The following ANKRD36C variants were observed in gnomAD, a reference collection of about 807,000 sequenced individuals.
ANKRD36C encodes ankyrin repeat domain-containing protein 36C.
A neutral mutation model predicts 276.4 loss-of-function variants in ANKRD36C; 61 were observed. The ratio of observed to expected loss-of-function variants is 0.22; its 90% confidence interval spans 0.18 to 0.27. ANKRD36C has a LOEUF of 0.27. Among genes scored for constraint, ANKRD36C ranks in the 10% least tolerant of loss-of-function variants. ANKRD36C has a pLI of 1.00. For missense variants in ANKRD36C, 1,447 were observed against 2,032.3 expected (o/e 0.71, Z 5.54); for synonymous variants, 483 against 680.1 (o/e 0.71, Z 4.51).
chr2:95,920,655 A>C (rs866745861), intron 34 of ANKRD36C, among the ~76,000 whole-genome samples: 10 of 132,058 alleles, frequency 7.6e-5, no homozygotes, highest in African/African-American at 2.6e-4. Context: ...ACAAAGTAAA[A>C]CTGCTACAAG....
chr2:95,979,403 T>C lies in ANKRD36C; in HGVS notation c.732-1214A>G, dbSNP rs1678872252. The stretch of plus-strand genomic sequence containing the variant: ...CATATAACTGCTGATAAGTCATGGA[T>C]GAGGGTTAGCTCTGTTAAATCTAAC... On this transcript the variant is annotated intron_variant, in intron 5 of 66. Coordinates refer to ENST00000456556, the Ensembl canonical transcript of ANKRD36C. 3.3e-5 allele frequency among the ~76,000 whole-genome samples: 5 copies of C among 152,178 alleles called. No individual in the cohort carries two copies. The South Asian group carries it at 1.0e-3, about 32-fold the overall frequency.
intron 42 of ANKRD36C, among the ~76,000 whole-genome samples, chr2:95,902,018 GAGTT>G (rs1295518083): frequency 2.1e-5 from 3 of 145,982 alleles, no homozygotes; most frequent in East Asian, 2.0e-4. Context: ...ACCATTTTAG[GAGTT>G]AGTTAGAATT....
Position 95,891,742 on chromosome 2 carries a change from A to C in ANKRD36C, c.2785-5T>G. 1 of 1,579,760 alleles carries C rather than the reference A, an allele frequency of 6.3e-7. No homozygotes were observed. Among genetic ancestry groups the C allele is most frequent in the Non-Finnish European group, 8.6e-7 (1 of 1,161,082 alleles). On this transcript the variant is annotated splice_region_variant and splice_polypyrimidine_tract_variant and intron_variant, in intron 45 of 66. Coordinates refer to ENST00000456556, the Ensembl canonical transcript of ANKRD36C. Reference sequence around the variant, plus strand: ...ATCTTTCTCGTCACTTGTAGCCTGAATGGAATTTGAAATGAAATAATAAAT... The same window carrying C: ...ATCTTTCTCGTCACTTGTAGCCTGACTGGAATTTGAAATGAAATAATAAAT...
intron 22 of ANKRD36C, among the ~76,000 whole-genome samples, chr2:95,938,039 A>T (rs1302730590): frequency 6.6e-6 from 1 of 152,152 alleles, no homozygotes; most frequent in East Asian, 1.9e-4. Flanking sequence ...AATATATTCC[A>T]CTGATTACAA....
chr2:95,876,564 A>G (rs1248279396), intron 58 of ANKRD36C, 52 bp from the exon 79 acceptor site: 1 of 1,498,548 alleles, frequency 6.7e-7, no homozygotes, highest in Non-Finnish European at 9.2e-7. Context: ...ACAGTTAGAT[A>G]AAAGCCATGG....
At chr2:95,918,846 A>G (rs1308699540) in intron 34 of ANKRD36C, among the ~76,000 whole-genome samples, 7 of 149,840 alleles carry the variant, frequency 4.7e-5, no homozygotes, top group Non-Finnish European at 7.4e-5. Flanking sequence ...GAAAATGACC[A>G]TTTTAGGAGT....
Position 95,986,743 on chromosome 2 carries a change from A to G in ANKRD36C, c.486+8T>C, listed in dbSNP as rs1167552880. 7 of 1,608,802 alleles carry G rather than the reference A, an allele frequency of 4.4e-6. No homozygotes were observed. Among genetic ancestry groups the G allele is most frequent in the Non-Finnish European group, 5.9e-6 (7 of 1,177,848 alleles). On this transcript the variant is annotated splice_region_variant and intron_variant, in intron 3 of 66. Transcript: ENST00000456556. Reference sequence around the variant, plus strand: ...GATAGTTTGAAAATAACATTGGTTGACCTATACCTCGCTGCATTCTTCAAT... The same window carrying G: ...GATAGTTTGAAAATAACATTGGTTGGCCTATACCTCGCTGCATTCTTCAAT...
At chr2:95,859,780 G>C in intron 61 of ANKRD36C, 81 bp downstream of exon 81, 1 of 1,465,292 alleles carries the variant, frequency 6.8e-7, no homozygotes, top group Non-Finnish European at 9.2e-7. Flanking sequence ...TAGAAGGAAA[G>C]TTCGCAATTA....
chr2:95,924,708 G>A (rs1355909902), intron 30 of ANKRD36C, among the ~76,000 whole-genome samples: 1 of 151,580 alleles, frequency 6.6e-6, no homozygotes, highest in Non-Finnish European at 1.5e-5. Flanking sequence ...GAGGCACTGT[G>A]GTTTATCCCA....
chr2:95,897,032 C>T (rs1162121436), intron 44 of ANKRD36C, among the ~76,000 whole-genome samples: 2 of 149,440 alleles, frequency 1.3e-5, no homozygotes, highest in African/African-American at 4.9e-5. Context: ...ATGCCTTGAA[C>T]TGCTCTCCAT....
At chr2:95,930,872 G>A (rs1350298908) in intron 24 of ANKRD36C, among the ~76,000 whole-genome samples, 2 of 151,126 alleles carry the variant, frequency 1.3e-5, no homozygotes, top group Non-Finnish European at 3.0e-5. Flanking sequence ...ATGTATCATT[G>A]ATGTGCAAAA....
In ANKRD36C at chr2:95,948,854, C is replaced by T. The variant is rs567283950; in HGVS notation, c.1296-258G>A. On this transcript the variant is annotated intron_variant, in intron 16 of 66. Coordinates refer to ENST00000456556, the Ensembl canonical transcript of ANKRD36C. ...TATCCAATGCAGACTCACCCTTAAACCCATAACAATTAGTGACAGGCATTA... is the reference window on the plus strand; with the variant it reads ...TATCCAATGCAGACTCACCCTTAAATCCATAACAATTAGTGACAGGCATTA... Among the ~76,000 whole-genome samples the T allele has an allele frequency of 3.3e-5, 5 of 152,210 alleles. No individual in the cohort carries two copies. The East Asian group carries it at 7.7e-4, about 24-fold the overall frequency.
intron 60 of ANKRD36C, among the ~76,000 whole-genome samples, chr2:95,866,466 CAGA>C (rs1675685097): frequency 6.6e-6 from 1 of 151,982 alleles, no homozygotes; most frequent in Non-Finnish European, 1.5e-5. Flanking sequence ...TTTTTATATG[CAGA>C]AGATGTGAAA....
At chr2:95,893,803 C>A (rs868174637) in intron 44 of ANKRD36C, 79 bp from the exon 63 acceptor site, 1 of 1,594,580 alleles carries the variant, frequency 6.3e-7, no homozygotes, top group East Asian at 2.3e-5. Flanking sequence ...GAGTTAGCAT[C>A]AAACTCTGTC....
chr2:95,931,106 G>A (rs1382258295), intron 24 of ANKRD36C, among the ~76,000 whole-genome samples: 2 of 151,626 alleles, frequency 1.3e-5, no homozygotes, highest in African/African-American at 4.8e-5. Context: ...CTCCACATTA[G>A]TTTCTTCATT....
At chr2:95,889,726 C>T in intron 48 of ANKRD36C, 73 bp downstream of exon 68, 1 of 1,513,246 alleles carries the variant, frequency 6.6e-7, no homozygotes. Flanking sequence ...GAACCCCCCG[C>T]TGCTTTATTT....
chr2:95,926,314 T>C (rs574088647), intron 28 of ANKRD36C, among the ~76,000 whole-genome samples: 7 of 151,786 alleles, frequency 4.6e-5, no homozygotes, highest in African/African-American at 1.7e-4. Flanking sequence ...AATAACCTTT[T>C]ACATTTGGAA....
Position 95,929,039 on chromosome 2 carries a change from GA to G in ANKRD36C, c.1837+32del, listed in dbSNP as rs1677489763. The G allele has an allele frequency of 1.9e-6, 3 of 1,600,198 alleles. No individual in the cohort carries two copies. The African/African-American group carries it at 4.0e-5, about 21-fold the overall frequency. On this transcript the variant is annotated intron_variant, in intron 26 of 66. Coordinates refer to ENST00000456556, the Ensembl canonical transcript of ANKRD36C. ...AGGGAAGTTCTCTTCCATCTTGATT[GA>G]ACATGACATTAGAAGTGTTTTGCAA... is the stretch of plus-strand genomic sequence containing the variant.
chr2:95,965,526 T>G (rs1424579436), intron 6 of ANKRD36C, among the ~76,000 whole-genome samples: 1 of 152,128 alleles, frequency 6.6e-6, no homozygotes, highest in African/African-American at 2.4e-5. Flanking sequence ...GGGGAAACAG[T>G]TGCAATCAAC....
Sources: gnomAD v4.1 joint callset for allele counts (sites outside exome capture counted in the v4.1 genomes callset) on GRCh38, gnomAD v4.1.1 for gene constraint, MANE v1.5 for transcripts, NCBI Gene and HGNC (gene_info 2026-07-23, HGNC 2026-07-21) for gene names.